ARID5B: variants seen among roughly 807,000 people sequenced by gnomAD.
The protein encoded by ARID5B is AT-rich interactive domain-containing protein 5B.
In ARID5B, 13 loss-of-function variants were observed where a neutral mutation model predicts 97.2. That is an observed-to-expected ratio of 0.13 (90% CI 0.09 to 0.21). The LOEUF (loss-of-function observed/expected upper bound fraction) is 0.21, where lower values mean the gene tolerates loss of function less well. Ranked by LOEUF, ARID5B falls within the 10% of genes least tolerant of loss-of-function variation. The probability of loss-of-function intolerance (pLI) is 1.00; values close to 1 mark genes in which losing one functional copy is unlikely to be tolerated. For synonymous variants in ARID5B, 556 were observed against 570.3 expected, an observed-to-expected ratio of 0.97 and a Z score of 0.36; for missense variants, 1,210 against 1,465.3, an observed-to-expected ratio of 0.83 and a Z score of 2.84.
chr10:62,046,495 T>C (rs1326433329), intron 4 of ARID5B, among the ~76,000 whole-genome samples: 3 of 152,228 alleles, frequency 2.0e-5, no homozygotes, highest in African/African-American at 7.2e-5. Context: ...CTATAATTCA[T>C]TAATATTTGA....
intron 2 of ARID5B, among the ~76,000 whole-genome samples, chr10:61,916,887 G>A (rs867790367): frequency 2.0e-5 from 3 of 152,292 alleles, no homozygotes; most frequent in South Asian, 2.1e-4. Flanking sequence ...AGAGGCACAG[G>A]TGTAAGTGCC....
intron 4 of ARID5B, among the ~76,000 whole-genome samples, chr10:62,047,529 A>C (rs1839726064): frequency 6.6e-6 from 1 of 152,152 alleles, no homozygotes; most frequent in Non-Finnish European, 1.5e-5. Flanking sequence ...TTCTTGGTAG[A>C]GATCAGTCTC....
At chr10:61,902,448 A>G in intron 2 of ARID5B, 35 bp downstream of exon 2, 1 of 1,605,650 alleles carries the variant, frequency 6.2e-7, no homozygotes. Flanking sequence ...TTCTTTCTTT[A>G]TTATTTTTCC....
intron 3 of ARID5B, among the ~76,000 whole-genome samples, chr10:61,944,220 G>C (rs1020105786): frequency 6.6e-6 from 1 of 152,000 alleles, no homozygotes; most frequent in Non-Finnish European, 1.5e-5. Context: ...AAAATAGGAG[G>C]GTTAAGGAAT....
intron 4 of ARID5B, among the ~76,000 whole-genome samples, chr10:62,018,831 AG>A (rs1204632116): frequency 6.6e-6 from 1 of 152,128 alleles, no homozygotes; most frequent in African/African-American, 2.4e-5. Context: ...TCTGTGACAA[AG>A]ATCTGCTTTT....
rs1840404255 is a variant in ARID5B at position 62,092,814 on chromosome 10, G to T, written c.3351G>T (p.Gln1117His). The T allele has an allele frequency of 6.2e-7, 1 of 1,614,192 alleles. No homozygotes were observed. Among genetic ancestry groups the T allele is most frequent in the African/African-American group, 1.3e-5 (1 of 75,036 alleles). ...KNQTVLSPLM[Q>H]PLAFHSLVMQ... ...AGACTGTGCTTTCTCCACTCATGCA[G>T]CCCCTGGCTTTCCACTCGCTTGTGA... Residue 1117 changes from glutamine to histidine, a missense_variant, in exon 10 of 10, where the codon CAG becomes CAT. Coordinates refer to ENST00000279873, the MANE Select transcript of ARID5B (RefSeq NM_032199.3).
At chr10:61,982,295 C>G (rs1838787725) in intron 3 of ARID5B, among the ~76,000 whole-genome samples, 1 of 152,162 alleles carries the variant, frequency 6.6e-6, no homozygotes, top group Admixed American at 6.5e-5. Flanking sequence ...TCAGACACCC[C>G]AGAACCGAGC....
intron 3 of ARID5B, among the ~76,000 whole-genome samples, chr10:61,953,122 G>A (rs759137326): frequency 6.6e-6 from 1 of 151,636 alleles, no homozygotes; most frequent in South Asian, 2.1e-4. Flanking sequence ...TTTAATCTTC[G>A]CCTCCCTTAA....
intron 3 of ARID5B, among the ~76,000 whole-genome samples, chr10:61,963,571 T>G (rs1195025367): frequency 6.6e-6 from 1 of 151,830 alleles, no homozygotes; most frequent in African/African-American, 2.4e-5. Context: ...CCTATATGTC[T>G]CTCCCTGACT....
intron 3 of ARID5B, among the ~76,000 whole-genome samples, chr10:61,956,227 G>A (rs1187426810): frequency 6.6e-6 from 1 of 152,162 alleles, no homozygotes; most frequent in Non-Finnish European, 1.5e-5. Flanking sequence ...CAAATCAGTA[G>A]TGGCATTAGA....
chr10:61,918,533 T>C (rs1843950204), intron 2 of ARID5B, among the ~76,000 whole-genome samples: 1 of 152,200 alleles, frequency 6.6e-6, no homozygotes, highest in Admixed American at 6.5e-5. Context: ...AACTAATTTA[T>C]GGGTTGAGAT....
chr10:62,013,134 G>A (rs967681144), intron 4 of ARID5B, among the ~76,000 whole-genome samples: 1 of 152,004 alleles, frequency 6.6e-6, no homozygotes, highest in Non-Finnish European at 1.5e-5. Flanking sequence ...GTTTCGCCTG[G>A]GCTCCAAAGC....
chr10:62,071,105 G>A (rs1228759831), intron 8 of ARID5B, among the ~76,000 whole-genome samples: 8 of 146,282 alleles, frequency 5.5e-5, no homozygotes, highest in South Asian at 2.2e-4. Flanking sequence ...GCATGATCTC[G>A]GCCCACTGCA....
intron 2 of ARID5B, among the ~76,000 whole-genome samples, chr10:61,914,090 A>G (rs12769067): frequency 0.074 from 11,303 of 152,272 alleles, 542 homozygotes; most frequent in East Asian, 0.13. Flanking sequence ...TAGTGATTAC[A>G]CAGAAGCCAG....
At chr10:62,061,241 G>A (rs1839917922) in intron 7 of ARID5B, among the ~76,000 whole-genome samples, 1 of 152,190 alleles carries the variant, frequency 6.6e-6, no homozygotes, top group Admixed American at 6.5e-5. Flanking sequence ...ACTTACTCAC[G>A]TAGAGATGAG....
intron 7 of ARID5B, among the ~76,000 whole-genome samples, chr10:62,060,911 C>A (rs1420964053): frequency 6.6e-6 from 1 of 152,184 alleles, no homozygotes; most frequent in Non-Finnish European, 1.5e-5. Context: ...TGTATCTTCA[C>A]AAAGATTTTT....
intron 2 of ARID5B, among the ~76,000 whole-genome samples, chr10:61,904,674 A>T (rs1051251027): frequency 7.9e-5 from 12 of 152,248 alleles, no homozygotes; most frequent in African/African-American, 2.4e-4. Flanking sequence ...TTTAATGCTA[A>T]CACGGCTGGT....
At chr10:62,044,033 CTT>C (rs533162545) in intron 4 of ARID5B, among the ~76,000 whole-genome samples, 3 of 141,882 alleles carry the variant, frequency 2.1e-5, no homozygotes, top group Admixed American at 7.1e-5. Context: ...AAGCCAGCTT[CTT>C]TTTTTTTTTT....
chr10:61,956,013 G>A (rs556171441), intron 3 of ARID5B, among the ~76,000 whole-genome samples: 209 of 152,246 alleles, frequency 1.4e-3, no homozygotes, highest in Non-Finnish European at 2.6e-3. Flanking sequence ...ATTACTTTGT[G>A]AGATAGTCCC....
Sources: gnomAD v4.1 joint callset for allele counts (sites outside exome capture counted in the v4.1 genomes callset) on GRCh38, gnomAD v4.1.1 for gene constraint, MANE v1.5 for transcripts, NCBI Gene and HGNC (gene_info 2026-07-23, HGNC 2026-07-21) for gene names.